Variants in UBE2V1 observed in about 807,000 individuals in gnomAD.
UBE2V1 encodes the protein ubiquitin-conjugating enzyme E2 variant 1.
A neutral mutation model predicts 19.6 loss-of-function variants in UBE2V1; 15 were observed. That is an observed-to-expected ratio of 0.77 (90% CI 0.51 to 1.18). UBE2V1 has a LOEUF of 1.18. Ranked by LOEUF, UBE2V1 falls within the 50% of genes most tolerant of loss-of-function variation. The pLI is 0.00. For synonymous variants in UBE2V1, 60 were observed against 60.7 expected, an observed-to-expected ratio of 0.99 and a Z score of 0.05; for missense variants, 125 against 184.8, an observed-to-expected ratio of 0.68 and a Z score of 1.88.
At chr20:50,114,055 A>T (rs1317716539), upstream of UBE2V1, among the ~76,000 whole-genome samples, 2 of 152,224 alleles carry the variant, frequency 1.3e-5, no homozygotes, top group Non-Finnish European at 2.9e-5. Context: ...GACCGTAACA[A>T]TGAGGAGGTA....
intron 1 of UBE2V1, among the ~76,000 whole-genome samples, chr20:50,103,861 T>C (rs1182755823): frequency 1.3e-5 from 2 of 151,552 alleles, no homozygotes; most frequent in Non-Finnish European, 2.9e-5. Flanking sequence ...TCCTTTTTTA[T>C]TGTCTGACTC....
intron 2 of UBE2V1, chr20:50,084,583 C>G: frequency 2.1e-6 from 1 of 476,646 alleles, no homozygotes; most frequent in Non-Finnish European, 4.2e-6. Flanking sequence ...GAGGCATTCT[C>G]TATTCTAGGA....
intron 2 of UBE2V1, among the ~76,000 whole-genome samples, chr20:50,094,192 AATATACAGTATATATAATATATAAC>A (rs2079452141): frequency 1.1e-5 from 1 of 91,606 alleles, no homozygotes; most frequent in Non-Finnish European, 1.9e-5. Flanking sequence ...ATGTTATATA[AATATACAGTATATATAATATATAAC>A]ATATGCATTA....
At chr20:50,092,469 G>A (rs2179600) in intron 2 of UBE2V1, among the ~76,000 whole-genome samples, 53 of 152,100 alleles carry the variant, frequency 3.5e-4, no homozygotes, top group African/African-American at 1.2e-3. Context: ...TGGAGACGGG[G>A]GTACTGCTGG....
intron 1 of UBE2V1, chr20:50,098,962 C>T (rs923913135): frequency 9.3e-5 from 92 of 985,432 alleles, no homozygotes; most frequent in Non-Finnish European, 1.1e-4. Flanking sequence ...TGGATTAAGT[C>T]TCCTGTAGCA....
intron 1 of UBE2V1, among the ~76,000 whole-genome samples, chr20:50,097,536 C>T (rs890927485): frequency 6.6e-6 from 1 of 152,136 alleles, no homozygotes; most frequent in African/African-American, 2.4e-5. Context: ...TAGGTGTCTT[C>T]CAGAACAGAA....
chr20:50,092,027 C>T (rs1387454532), intron 2 of UBE2V1, among the ~76,000 whole-genome samples: 2 of 152,064 alleles, frequency 1.3e-5, no homozygotes, highest in Non-Finnish European at 2.9e-5. Context: ...CTAATCCACA[C>T]ATAAAACACT....
At chr20:50,094,095 T>A (rs1254344132) in intron 2 of UBE2V1, among the ~76,000 whole-genome samples, 1 of 132,792 alleles carries the variant, frequency 7.5e-6, no homozygotes, top group Non-Finnish European at 1.6e-5. Context: ...GCTTGGAGGA[T>A]TTGCTTTTAT....
At chr20:50,084,436 TC>T (rs771311786) in intron 2 of UBE2V1, 182 bp from the exon 3 acceptor site, 2 of 1,100,144 alleles carry the variant, frequency 1.8e-6, no homozygotes, top group East Asian at 5.2e-5. Flanking sequence ...TTATATGACT[TC>T]CGGGCCTTGG....
At chr20:50,100,733 G>C (rs1338398347) in intron 1 of UBE2V1, among the ~76,000 whole-genome samples, 6 of 152,176 alleles carry the variant, frequency 3.9e-5, no homozygotes, top group Non-Finnish European at 8.8e-5. Context: ...AAATGTGTTA[G>C]TTTCTTATGT....
rs2080878190 is a variant in UBE2V1 at position 50,113,087 on chromosome 20, G to A, written c.22+20C>T. On this transcript the variant is annotated intron_variant, in intron 1 of 3. Transcript: ENST00000371674. ...AAGCCCATGCCCCCTCGGCCGGCCG[G>A]GCCCGGCGCCCCCGCTCACCCGAGC... 3 of 1,229,080 alleles carry A rather than the reference G, an allele frequency of 2.4e-6. No homozygotes were observed. Among genetic ancestry groups the A allele is most frequent in the Non-Finnish European group, 2.1e-6 (2 of 937,146 alleles). 76.1% of individuals were successfully genotyped at this position (1,229,080 alleles called of 1,614,324 possible).
upstream of UBE2V1, chr20:50,113,273 G>A (rs939601586): frequency 5.3e-6 from 3 of 568,438 alleles, no homozygotes; most frequent in Non-Finnish European, 8.0e-6. Context: ...GGCCTGGAAG[G>A]CTCTTTTCCT....
chr20:50,086,752 T>C (rs2078935948), intron 2 of UBE2V1, among the ~76,000 whole-genome samples: 2 of 151,888 alleles, frequency 1.3e-5, no homozygotes, highest in Admixed American at 6.5e-5. Context: ...CCTCAAGTCA[T>C]CACAGACACA....
intron 2 of UBE2V1, among the ~76,000 whole-genome samples, chr20:50,094,257 A>ATATTATAT: frequency 7.4e-6 from 1 of 135,548 alleles, no homozygotes. Context: ...TATAATATAT[A>ATATTATAT]ATGCATTATA....
At chr20:50,094,997 T>C (rs1433075723) in intron 2 of UBE2V1, 2 of 152,246 alleles carry the variant, frequency 1.3e-5, no homozygotes, top group Admixed American at 1.3e-4. Context: ...CAAGCTGTTT[T>C]AGGCAGACAG....
upstream of UBE2V1, among the ~76,000 whole-genome samples, chr20:50,114,600 G>A (rs1470598176): frequency 6.6e-6 from 1 of 152,144 alleles, no homozygotes; most frequent in African/African-American, 2.4e-5. Flanking sequence ...AATCTCACCA[G>A]GACAAGTGGA....
At chr20:50,108,947 G>A (rs1423394549) in intron 1 of UBE2V1, 1 of 985,282 alleles carries the variant, frequency 1.0e-6, no homozygotes, top group Non-Finnish European at 1.2e-6. Context: ...CCAAGACTTA[G>A]GAAGAACATA....
At chr20:50,098,909 C>T in intron 1 of UBE2V1, 3 of 985,360 alleles carry the variant, frequency 3.0e-6, no homozygotes, top group Non-Finnish European at 3.6e-6. Flanking sequence ...AAAACACTGG[C>T]ATTTTCATCT....
intron 1 of UBE2V1, among the ~76,000 whole-genome samples, chr20:50,103,147 GT>G (rs1371401801): frequency 6.6e-6 from 1 of 152,160 alleles, no homozygotes. Flanking sequence ...AACTTCATCT[GT>G]TTTGTTCACT....
Sources: gnomAD v4.1 joint callset for allele counts (sites outside exome capture counted in the v4.1 genomes callset) on GRCh38, gnomAD v4.1.1 for gene constraint, MANE v1.5 for transcripts, NCBI Gene and HGNC (gene_info 2026-07-23, HGNC 2026-07-21) for gene names.